The following CASQ2 variants were observed in gnomAD, a reference collection of about 807,000 sequenced individuals.
The protein encoded by CASQ2 is calsequestrin-2.
Under a neutral mutation model 46.5 loss-of-function variants are expected in CASQ2, and 49 were observed. The ratio of observed to expected loss-of-function variants is 1.05; its 90% confidence interval spans 0.84 to 1.34. The LOEUF (loss-of-function observed/expected upper bound fraction) is 1.34, where lower values mean the gene tolerates loss of function less well. CASQ2 is among the 40% of genes most tolerant of loss of function. The pLI, the probability that CASQ2 is intolerant of heterozygous loss-of-function variation, is 0.00. For synonymous variants in CASQ2, 174 were observed against 168.5 expected (o/e 1.03, Z -0.25); for missense variants, 486 against 481.3 (o/e 1.01, Z -0.09).
intron 1 of CASQ2, among the ~76,000 whole-genome samples, chr1:115,755,790 A>G (rs1648739822): frequency 6.6e-6 from 1 of 152,094 alleles, no homozygotes; most frequent in African/African-American, 2.4e-5. Flanking sequence ...TAAAACCTCT[A>G]TGAGGAGCGT....
intron 3 of CASQ2, among the ~76,000 whole-genome samples, chr1:115,740,238 A>G (rs916470231): frequency 3.9e-5 from 6 of 152,352 alleles, no homozygotes; most frequent in Admixed American, 2.6e-4. Context: ...TTGTCTAAGC[A>G]TATGGATATG....
chr1:115,729,542 C>T (rs181879209), intron 5 of CASQ2, among the ~76,000 whole-genome samples: 33 of 152,204 alleles, frequency 2.2e-4, no homozygotes, highest in African/African-American at 7.7e-4. Flanking sequence ...TTATTAAGAA[C>T]CAAATGGGTC....
intron 7 of CASQ2, among the ~76,000 whole-genome samples, chr1:115,719,098 A>G (rs1048824090): frequency 1.1e-4 from 16 of 152,176 alleles, no homozygotes; most frequent in African/African-American, 3.9e-4. Context: ...TCTAAATGCT[A>G]ATTTTTTTCC....
At chr1:115,718,031 CACAGA>C in intron 7 of CASQ2, 137 bp from the exon 8 acceptor site, 1 of 730,158 alleles carries the variant, frequency 1.4e-6, no homozygotes, top group South Asian at 1.4e-5. Context: ...AACACAGAAG[CACAGA>C]GGAGTACAGC....
At chr1:115,755,616 T>G (rs879940791) in intron 1 of CASQ2, among the ~76,000 whole-genome samples, 1 of 152,204 alleles carries the variant, frequency 6.6e-6, no homozygotes, top group Non-Finnish European at 1.5e-5. Context: ...AGTGTTTATT[T>G]TGATAGCATC....
At chr1:115,767,004 T>A (rs1458168157) in intron 1 of CASQ2, among the ~76,000 whole-genome samples, 1 of 152,146 alleles carries the variant, frequency 6.6e-6, no homozygotes, top group Non-Finnish European at 1.5e-5. Flanking sequence ...CCAAAGGCAT[T>A]CTTTTGGAGT....
chr1:115,729,528 T>C (rs763411214), intron 5 of CASQ2, among the ~76,000 whole-genome samples: 3 of 152,338 alleles, frequency 2.0e-5, no homozygotes, highest in African/African-American at 4.8e-5. Context: ...AAGAATGAAT[T>C]ATATTATTAA....
chr1:115,738,683 A>G (rs543269675), intron 3 of CASQ2, among the ~76,000 whole-genome samples: 1 of 152,370 alleles, frequency 6.6e-6, no homozygotes, highest in East Asian at 1.9e-4. Flanking sequence ...CAAGCTAATT[A>G]ACCTATCCAT....
At chr1:115,737,121 C>A (rs2101090679) in intron 4 of CASQ2, among the ~76,000 whole-genome samples, 1 of 152,070 alleles carries the variant, frequency 6.6e-6, no homozygotes, top group East Asian at 1.9e-4. Flanking sequence ...GAGAAGCACC[C>A]CAGAGTAGTC....
At chr1:115,724,042 C>A (rs916124848) in intron 7 of CASQ2, among the ~76,000 whole-genome samples, 1 of 152,172 alleles carries the variant, frequency 6.6e-6, no homozygotes, top group African/African-American at 2.4e-5. Flanking sequence ...TTCTGTTCAT[C>A]CATCACTTCA....
At chr1:115,739,692 A>G (rs761869331) in intron 3 of CASQ2, among the ~76,000 whole-genome samples, 1 of 152,260 alleles carries the variant, frequency 6.6e-6, no homozygotes, top group Non-Finnish European at 1.5e-5. Context: ...TGAGGACACA[A>G]GCAACATACT....
chr1:115,728,289 T>C (rs1268382199), intron 5 of CASQ2, among the ~76,000 whole-genome samples: 2 of 152,212 alleles, frequency 1.3e-5, no homozygotes, highest in South Asian at 2.1e-4. Context: ...GTCACTATAT[T>C]CTGAAAGGCA....
rs1654325854 is a variant in CASQ2, at chr1:115,705,311, G to A, written c.839-19C>T. On this transcript the variant is annotated intron_variant, in intron 8 of 10. Transcript: ENST00000261448. ...TAGCCATCTGAAACAGGATTCAAGA[G>A]AGTTGAGTAACCCCTGCACATACAC... 2.0e-6 allele frequency: 3 copies of A among 1,531,972 alleles called. No homozygotes were observed. The South Asian group carries it at 3.4e-5, about 17-fold the overall frequency. 94.9% of individuals were successfully genotyped at this position (1,531,972 alleles called of 1,614,324 possible).
chr1:115,717,634 A>T (rs1654746214), intron 8 of CASQ2, among the ~76,000 whole-genome samples: 1 of 152,228 alleles, frequency 6.6e-6, no homozygotes, highest in Non-Finnish European at 1.5e-5. Flanking sequence ...AGTCTATAAC[A>T]TTCTGATTTG....
At chr1:115,715,088 G>T (rs1337271416) in intron 8 of CASQ2, among the ~76,000 whole-genome samples, 1 of 152,252 alleles carries the variant, frequency 6.6e-6, no homozygotes, top group Non-Finnish European at 1.5e-5. Context: ...GCCCTCTGGA[G>T]TCTGGCCAGC....
At chr1:115,720,088 C>G (rs1196951095) in intron 7 of CASQ2, among the ~76,000 whole-genome samples, 4 of 152,176 alleles carry the variant, frequency 2.6e-5, no homozygotes, top group Non-Finnish European at 5.9e-5. Flanking sequence ...GGCCACAGAA[C>G]TAGTAGTGAC....
intron 1 of CASQ2, among the ~76,000 whole-genome samples, chr1:115,761,814 T>C (rs559494472): frequency 1.3e-5 from 2 of 151,790 alleles, no homozygotes; most frequent in African/African-American, 4.9e-5. Context: ...AGCATCCCTC[T>C]CCGCTACAGG....
chr1:115,727,909 T>A (rs1400685533), intron 5 of CASQ2, among the ~76,000 whole-genome samples: 1 of 152,194 alleles, frequency 6.6e-6, no homozygotes, highest in Non-Finnish European at 1.5e-5. Flanking sequence ...ACATGTTCAG[T>A]GTGTTGTCAA....
At chr1:115,702,068 A>G (rs1248231877) in intron 10 of CASQ2, among the ~76,000 whole-genome samples, 1 of 152,026 alleles carries the variant, frequency 6.6e-6, no homozygotes, top group Admixed American at 6.6e-5. Context: ...TGTTACAGGC[A>G]CCCATGACCA....
Sources: gnomAD v4.1 joint callset for allele counts (sites outside exome capture counted in the v4.1 genomes callset) on GRCh38, gnomAD v4.1.1 for gene constraint, MANE v1.5 for transcripts, NCBI Gene and HGNC (gene_info 2026-07-23, HGNC 2026-07-21) for gene names.